PRKG1: variants seen among roughly 807,000 people sequenced by gnomAD.
PRKG1 encodes the protein protein kinase cGMP-dependent 1, also known as cGMP-dependent protein kinase 1.
A neutral mutation model predicts 88.1 loss-of-function variants in PRKG1; 35 were observed. That is an observed-to-expected ratio of 0.40 (90% CI 0.30 to 0.53). The LOEUF is 0.53. Ranked by LOEUF, PRKG1 falls within the 20% of genes least tolerant of loss-of-function variation. The pLI is 0.59. For missense variants in PRKG1, 540 were observed against 839.8 expected, an observed-to-expected ratio of 0.64 and a Z score of 4.41; for synonymous variants, 303 against 292.5, an observed-to-expected ratio of 1.04 and a Z score of -0.37.
chr10:51,140,369 A>G (rs887157979), intron 1 of PRKG1, among the ~76,000 whole-genome samples: 1 of 152,222 alleles, frequency 6.6e-6, no homozygotes, highest in African/African-American at 2.4e-5. Flanking sequence ...ACAATGTCAT[A>G]TATGAGGTAC....
chr10:51,010,816 T>G (rs1349768221), intron 1 of PRKG1, among the ~76,000 whole-genome samples: 2 of 152,334 alleles, frequency 1.3e-5, no homozygotes, highest in African/African-American at 4.8e-5. Flanking sequence ...TCTGTAAAGT[T>G]TTTAACAAAA....
chr10:51,601,878 A>C (rs950906544), intron 3 of PRKG1, among the ~76,000 whole-genome samples: 3 of 151,574 alleles, frequency 2.0e-5, no homozygotes, highest in Non-Finnish European at 4.4e-5. Flanking sequence ...TTCCAAAATC[A>C]GGTTATAGAT....
intron 8 of PRKG1, among the ~76,000 whole-genome samples, chr10:52,136,068 A>G (rs1837408893): frequency 1.3e-5 from 2 of 152,076 alleles, no homozygotes; most frequent in Non-Finnish European, 2.9e-5. Context: ...AGGCATGCAG[A>G]TAGAGAAAAG....
At chr10:51,282,052 G>A (rs1840313967) in intron 2 of PRKG1, among the ~76,000 whole-genome samples, 1 of 152,190 alleles carries the variant, frequency 6.6e-6, no homozygotes, top group Non-Finnish European at 1.5e-5. Context: ...TAAGCAGAGT[G>A]TAAAGTGATG....
At chr10:51,848,565 G>A (rs543562197) in intron 4 of PRKG1, among the ~76,000 whole-genome samples, 1 of 151,920 alleles carries the variant, frequency 6.6e-6, no homozygotes, top group Non-Finnish European at 1.5e-5. Context: ...TCATATGAAT[G>A]TAGAATTATT....
intron 2 of PRKG1, among the ~76,000 whole-genome samples, chr10:51,383,188 C>T (rs1212163828): frequency 6.6e-6 from 1 of 152,028 alleles, no homozygotes; most frequent in Non-Finnish European, 1.5e-5. Context: ...AGAATGAAGT[C>T]GGTGCTGAAT....
At chr10:51,840,224 A>G (rs1212601172) in intron 4 of PRKG1, among the ~76,000 whole-genome samples, 1 of 152,222 alleles carries the variant, frequency 6.6e-6, no homozygotes, top group East Asian at 1.9e-4. Flanking sequence ...GGTGGTATTC[A>G]TAATAAGGCA....
At chr10:51,433,095 T>C (rs1242368346) in intron 2 of PRKG1, among the ~76,000 whole-genome samples, 1 of 152,160 alleles carries the variant, frequency 6.6e-6, no homozygotes, top group African/African-American at 2.4e-5. Flanking sequence ...TTGATGCATG[T>C]CTTCTGAAAA....
intron 2 of PRKG1, among the ~76,000 whole-genome samples, chr10:51,161,468 A>AT (rs1407118969): frequency 1.3e-5 from 2 of 152,204 alleles, no homozygotes; most frequent in East Asian, 1.9e-4. Flanking sequence ...CAGTTCTCCA[A>AT]TTTTTTCTAA....
intron 2 of PRKG1, among the ~76,000 whole-genome samples, chr10:51,161,473 T>G (rs1160955084): frequency 6.6e-6 from 1 of 152,216 alleles, no homozygotes; most frequent in Non-Finnish European, 1.5e-5. Context: ...CTCCAATTTT[T>G]TCTAAGGTAT....
At position 51,312,261 on chromosome 10, in the gene PRKG1, T is replaced by G. The variant is rs556940881; in HGVS notation, c.479-155462T>G. ...CCTAGCTCTAGGTATTCCCTTATCTTTCTTAGAATATGGTCATTCACTGGC... is the reference window on the plus strand; with the variant it reads ...CCTAGCTCTAGGTATTCCCTTATCTGTCTTAGAATATGGTCATTCACTGGC... On this transcript the variant is annotated intron_variant, in intron 2 of 17. Coordinates refer to ENST00000373980, the MANE Select transcript of PRKG1 (RefSeq NM_006258.4). Among the ~76,000 whole-genome samples, 24 of 152,296 alleles carry G rather than the reference T, an allele frequency of 1.6e-4. No homozygotes were observed. In the South Asian group the frequency reaches 5.0e-3, roughly 32 times the overall value.
chr10:52,041,785 G>GTAAATATGTAAATTTTTA (rs1845760348), intron 5 of PRKG1, among the ~76,000 whole-genome samples: 1 of 151,782 alleles, frequency 6.6e-6, no homozygotes, highest in Non-Finnish European at 1.5e-5. Context: ...AATTTCTTGT[G>GTAAATATGTAAATTTTTA]ATCTTAAATA....
At chr10:51,808,677 G>A (rs1017960211) in intron 4 of PRKG1, among the ~76,000 whole-genome samples, 15 of 152,120 alleles carry the variant, frequency 9.9e-5, no homozygotes, top group Admixed American at 9.8e-4. Flanking sequence ...GACTTTAAGT[G>A]CTTTAAAGCA....
intron 5 of PRKG1, among the ~76,000 whole-genome samples, chr10:52,039,487 A>G (rs1245094516): frequency 1.3e-5 from 2 of 152,240 alleles, no homozygotes; most frequent in South Asian, 4.1e-4. Flanking sequence ...TTCTTCAGTT[A>G]CTTCAGGTCA....
intron 3 of PRKG1, among the ~76,000 whole-genome samples, chr10:51,571,326 G>A (rs772346218): frequency 6.6e-5 from 10 of 151,808 alleles, no homozygotes; most frequent in Non-Finnish European, 1.5e-4. Flanking sequence ...TAACCTGAAA[G>A]GTGTGTTACT....
chr10:50,998,657 A>G (rs1052066306), intron 1 of PRKG1, among the ~76,000 whole-genome samples: 50 of 152,304 alleles, frequency 3.3e-4, no homozygotes, highest in African/African-American at 1.1e-3. Flanking sequence ...CTGAGGCAGG[A>G]GAATCGCTTG....
At chr10:51,662,513 C>T (rs1840324918) in intron 3 of PRKG1, among the ~76,000 whole-genome samples, 1 of 152,096 alleles carries the variant, frequency 6.6e-6, no homozygotes, top group Non-Finnish European at 1.5e-5. Flanking sequence ...TGGTTCAAGA[C>T]TCTAGTCATT....
At chr10:52,279,270 C>G (rs1439541865) in intron 12 of PRKG1, among the ~76,000 whole-genome samples, 1 of 152,132 alleles carries the variant, frequency 6.6e-6, no homozygotes, top group African/African-American at 2.4e-5. Context: ...TGAAGTATAT[C>G]ATTTGTTTCC....
At chr10:52,050,044 A>T (rs1278799631) in intron 5 of PRKG1, among the ~76,000 whole-genome samples, 2 of 144,462 alleles carry the variant, frequency 1.4e-5, no homozygotes, top group Non-Finnish European at 3.0e-5. Context: ...TGTGTGAGAG[A>T]GAGAGAGTGT....
Sources: allele counts gnomAD v4.1 joint callset (sites outside exome capture counted in the v4.1 genomes callset), GRCh38; gene constraint gnomAD v4.1.1; transcripts MANE v1.5; gene names NCBI Gene and HGNC (gene_info 2026-07-23, HGNC 2026-07-21).